Variants in FAM171A2 observed in about 807,000 individuals in gnomAD.
The protein encoded by FAM171A2 is family with sequence similarity 171 member A2.
In FAM171A2, 13 loss-of-function variants were observed where a neutral mutation model predicts 34.2. That is an observed-to-expected ratio of 0.38 (90% CI 0.25 to 0.60). The LOEUF (loss-of-function observed/expected upper bound fraction) is 0.60, where lower values mean the gene tolerates loss of function less well. FAM171A2 is among the 20% of genes least tolerant of loss of function. The pLI is 0.62. For synonymous variants in FAM171A2, 475 were observed against 561.2 expected (o/e 0.85, Z 2.17); for missense variants, 950 against 1,180.7 (o/e 0.80, Z 2.86).
At chr17:44,356,135 T>C in intron 5 of FAM171A2, 38 bp downstream of exon 5, 1 of 1,525,094 alleles carries the variant, frequency 6.6e-7, no homozygotes, top group South Asian at 1.2e-5. Context: ...CACTTTCTTC[T>C]CTCAACTCAA....
rs746146049 is a variant in FAM171A2, at chr17:44,356,583, G to A, written c.445C>T (p.Arg149Cys). ...VHILLGSPGA[R>C]SQPLVQFQRR... ...TGGAACTGCACCAAGGGCTGGGAGC[G>A]GGCACCTGGAGGGAAAGAGGGGCTG... The change falls in exon 4 of 8, where the codon CGC (arginine) becomes TGC (cysteine). Residue 149 changes from arginine (R) to cysteine (C), a missense_variant. By Grantham distance (180) the Arg-to-Cys change is radical. Coordinates refer to ENST00000293443, the MANE Select transcript of FAM171A2 (RefSeq NM_198475.3). 16 of 1,541,718 alleles carry A rather than the reference G, an allele frequency of 1.0e-5. No individual in the cohort carries two copies. The highest frequency in any genetic ancestry group is 6.9e-5 in the African/African-American group (5 of 72,898).
rs2048416243 is a variant in FAM171A2, at chr17:44,355,100, A to G, written c.1114T>C (p.Ser372Pro). The G allele has an allele frequency of 6.4e-7, 1 of 1,550,730 alleles. No individual in the cohort carries two copies. ...CCCCCACAGATGAGGTGGAGCTGGG[A>G]CATCGAGGTGGCCTGGTCTCGTTTG... ...GNKRDQATSM[S>P]QLHLICGGPL... is the part of the protein sequence containing the mutation. Residue 372 changes from serine (S) to proline (P), a missense_variant, in exon 8 of 8, where the codon TCC (serine) becomes CCC (proline). Ser to Pro is a moderately conservative substitution (Grantham distance 74). Transcript: ENST00000293443. This position sits in a 1 kb window ranked among gnomAD's most constrained non-coding sequence, Gnocchi z 4.1.
At chr17:44,358,755 C>A (rs1222286737) in intron 3 of FAM171A2, among the ~76,000 whole-genome samples, 1 of 152,124 alleles carries the variant, frequency 6.6e-6, no homozygotes, top group Non-Finnish European at 1.5e-5. Context: ...AGACTACAAA[C>A]TGGGATGGGG....
chr17:44,357,864 A>G (rs2048431917), intron 3 of FAM171A2, among the ~76,000 whole-genome samples: 1 of 152,148 alleles, frequency 6.6e-6, no homozygotes, highest in Non-Finnish European at 1.5e-5. Flanking sequence ...CAGGTTACCT[A>G]TATTAACCCC....
chr17:44,354,515 C>A lies in FAM171A2; in HGVS notation c.1699G>T (p.Gly567Cys). Residue 567 changes from glycine to cysteine, a missense_variant, in exon 8 of 8, where the codon GGC becomes TGC. By Grantham distance (159) the Gly-to-Cys change is radical. Coordinates refer to ENST00000293443, the MANE Select transcript of FAM171A2 (RefSeq NM_198475.3). This position sits in a 1 kb window ranked among gnomAD's most constrained non-coding sequence, Gnocchi z 5.8. ...GVGDEPAPPEGTAPGPARAFP... is the reference protein window; with the variant it reads ...GVGDEPAPPECTAPGPARAFP... ...GCGCGCGCCGGGCCGGGTGCCGTGC[C>A]CTCCGGCGGGGCCGGCTCGTCGCCC... 1 of 1,133,958 alleles carries A rather than the reference C, an allele frequency of 8.8e-7. No individual in the cohort carries two copies. The highest frequency in any genetic ancestry group is 4.3e-5 in the South Asian group (1 of 23,450). The allele number at this position is 1,133,958 out of a possible 1,614,324, so 70.2% of individuals were successfully genotyped here.
chr17:44,358,374 G>C (rs2048434135), intron 3 of FAM171A2, among the ~76,000 whole-genome samples: 1 of 152,176 alleles, frequency 6.6e-6, no homozygotes, highest in Admixed American at 6.5e-5. Flanking sequence ...CTTGGGATCA[G>C]AGTGACGAAG....
intron 1 of FAM171A2, among the ~76,000 whole-genome samples, chr17:44,361,557 G>A (rs548557294): frequency 6.6e-5 from 10 of 152,196 alleles, no homozygotes; most frequent in Middle Eastern, 3.4e-3. Context: ...CGCAGCCAGC[G>A]CCACGCCTGC....
At chr17:44,360,166 G>T (rs919508816) in intron 1 of FAM171A2, 34 bp from the exon 2 acceptor site, 1 of 1,514,574 alleles carries the variant, frequency 6.6e-7, no homozygotes, top group East Asian at 2.5e-5. Context: ...GAGTGAGGAC[G>T]AGGGAGGGGG....
intron 3 of FAM171A2, among the ~76,000 whole-genome samples, chr17:44,356,908 G>A (rs768284869): frequency 2.0e-5 from 3 of 152,186 alleles, no homozygotes; most frequent in Non-Finnish European, 2.9e-5. Flanking sequence ...AGACACTGGG[G>A]GCCCAAAGAT....
At position 44,353,889 on chromosome 17, in the gene FAM171A2, C is replaced by T. The variant is rs1284753922; in HGVS notation, c.2325G>A (p.Gly775=). 3.3e-5 allele frequency: 43 copies of T among 1,313,380 alleles called. No homozygotes were observed. The South Asian group carries it at 7.9e-4, about 24-fold the overall frequency. 81.4% of individuals were successfully genotyped at this position (1,313,380 alleles called of 1,614,324 possible). ...TVPRGRGRSR[G]DSSRSSASEL... ...CGCTGGCGCTGCTGCGGGAGCTGTCCCCGCGGCTGCGGCCCCGCCCCCGGG... is the reference window on the plus strand; with the variant it reads ...CGCTGGCGCTGCTGCGGGAGCTGTCTCCGCGGCTGCGGCCCCGCCCCCGGG... The change falls in exon 8 of 8, where the codon GGG becomes GGA. Residue 775 remains glycine (G), a synonymous_variant. Coordinates refer to ENST00000293443, the MANE Select transcript of FAM171A2 (RefSeq NM_198475.3).
Position 44,353,841 on chromosome 17 carries a change from G to A in FAM171A2, c.2373C>T (p.Thr791=). Residue 791 remains threonine (T), a synonymous_variant, in exon 8 of 8, where the codon ACC becomes ACT. Transcript: ENST00000293443. Reference sequence around the variant, plus strand: ...CCGCCCCCAGCTCGTCCTCCGGGCTGGTGAGCGAGTCGCGCCGCAGCTCGC... The same window carrying A: ...CCGCCCCCAGCTCGTCCTCCGGGCTAGTGAGCGAGTCGCGCCGCAGCTCGC... The part of the protein sequence containing the change: ...SASELRRDSL[T]SPEDELGAEV... 2 of 1,402,768 alleles carry A rather than the reference G, an allele frequency of 1.4e-6. No homozygotes were observed. The highest frequency in any genetic ancestry group is 9.3e-7 in the Non-Finnish European group (1 of 1,077,710). 86.9% of individuals were successfully genotyped at this position (1,402,768 alleles called of 1,614,324 possible). A position where few individuals can be genotyped will look rare whatever the true frequency, so the allele number is the denominator to read the frequency against.
At chr17:44,363,461 G>A (rs1316375657) in intron 1 of FAM171A2, 136 bp downstream of exon 1, 2 of 399,228 alleles carry the variant, frequency 5.0e-6, no homozygotes, top group East Asian at 3.9e-5. Flanking sequence ...ACCCCAGATC[G>A]CTTAGCTCCC....
intron 3 of FAM171A2, among the ~76,000 whole-genome samples, chr17:44,357,730 C>CGTGTGTGTGTGTGTGTGTGTGT (rs141824631): frequency 0.039 from 5,613 of 142,996 alleles, 182 homozygotes; most frequent in Middle Eastern, 0.072. Flanking sequence ...CAGTTTAGGT[C>CGTGTGTGTGTGTGTGTGTGTGT]GTGTGTGTGT....
In FAM171A2 at chr17:44,353,785, C is replaced by T; in HGVS notation, c.2429G>A (p.Ser810Asn). Reference sequence around the variant, plus strand: ...CCGCTCCTCCCGCCGCTGCCACGGGCTCTTCTTGTCTCCCGCCTCGTCGCC... The same window carrying T: ...CCGCTCCTCCCGCCGCTGCCACGGGTTCTTCTTGTCTCCCGCCTCGTCGCC... ...EVGDEAGDKK[S>N]PWQRREERPL... The change falls in exon 8 of 8, where the codon AGC becomes AAC. Residue 810 changes from serine to asparagine, a missense_variant. Physicochemically the swap from Ser to Asn is conservative, Grantham distance 46. This residue lies in a region of FAM171A2 where 191 missense variants were observed against 222.8 expected (regional missense o/e 0.86). Coordinates refer to ENST00000293443, the MANE Select transcript of FAM171A2 (RefSeq NM_198475.3). 1.4e-6 allele frequency: 2 copies of T among 1,437,036 alleles called. No homozygotes were observed. The highest frequency in any genetic ancestry group is 3.0e-5 in the African/African-American group (2 of 67,200). The allele number at this position is 1,437,036 out of a possible 1,614,324, so 89.0% of individuals were successfully genotyped here.
Position 44,356,218 on chromosome 17 carries a change from TGAGGGCACGAGTCTCG to T in FAM171A2, c.717_732del (p.Glu240ProfsTer25). The T allele has an allele frequency of 6.4e-7, 1 of 1,550,388 alleles. No individual in the cohort carries two copies. The highest frequency in any genetic ancestry group is 8.7e-7 in the Non-Finnish European group (1 of 1,146,320). On this transcript the variant is annotated frameshift_variant, in exon 5 of 8. Transcript: ENST00000293443. LOFTEE classifies it high-confidence loss of function. Reference sequence around the variant, plus strand: ...CAGGCTGGAATGCTGGTGCCCACGGTGAGGGCACGAGTCTCGGAGGGCACGGGCAGGGACAGGTGAA... The same window carrying T: ...CAGGCTGGAATGCTGGTGCCCACGGTGAGGGCACGGGCAGGGACAGGTGAA...
In FAM171A2 at chr17:44,353,997, C is replaced by G; in HGVS notation, c.2217G>C (p.Thr739=). Residue 739 remains threonine (T), a synonymous_variant, in exon 8 of 8, where the codon ACG becomes ACC. Coordinates refer to ENST00000293443, the MANE Select transcript of FAM171A2 (RefSeq NM_198475.3). ...AGTTGTCCTCCGGAGAGCAGAGGCC[C>G]GTGCGGCTCTCGCTGCTGCTGGGCT... ...DTEPSSSESR[T]GLCSPEDNSL... is the part of the protein sequence containing the mutation. The G allele has an allele frequency of 1.6e-6, 2 of 1,224,246 alleles. 1 individual carries two copies. Among genetic ancestry groups the G allele is most frequent in the South Asian group, 6.3e-5 (2 of 31,634 alleles). 75.8% of individuals were successfully genotyped at this position (1,224,246 alleles called of 1,614,324 possible). A position where few individuals can be genotyped will look rare whatever the true frequency, so the allele number is the denominator to read the frequency against.
intron 3 of FAM171A2, among the ~76,000 whole-genome samples, chr17:44,356,827 T>C (rs909888689): frequency 2.6e-5 from 4 of 152,164 alleles, no homozygotes; most frequent in African/African-American, 9.7e-5. Context: ...AAAGTTTCCT[T>C]ATAGAACCTA....
Position 44,356,050 on chromosome 17 carries a change from C to T in FAM171A2, c.803G>A (p.Gly268Asp), listed in dbSNP as rs1309849975. ...KSGLWVRNGT[G>D]VIRKEGRQLY... ...CTGCCGGCCTTCCTTCCGGATTACA[C>T]CAGTGCCATTGCGCACCCACAGCCC... Residue 268 changes from glycine (G) to aspartate (D), a missense_variant, in exon 6 of 8, where the codon GGT becomes GAT. Physicochemically the swap from Gly to Asp is moderately conservative, Grantham distance 94. Coordinates refer to ENST00000293443, the MANE Select transcript of FAM171A2 (RefSeq NM_198475.3). 1.3e-6 allele frequency: 2 copies of T among 1,546,652 alleles called. No homozygotes were observed. Among genetic ancestry groups the T allele is most frequent in the East Asian group, 2.4e-5 (1 of 40,852 alleles).
Position 44,355,617 on chromosome 17 carries a change from T to C in FAM171A2, c.1022+98A>G. 6.8e-7 allele frequency: 1 copy of C among 1,479,164 alleles called. No homozygotes were observed. The highest frequency in any genetic ancestry group is 1.3e-5 in the South Asian group (1 of 78,030). 91.6% of individuals were successfully genotyped at this position (1,479,164 alleles called of 1,614,324 possible). A position where few individuals can be genotyped will look rare whatever the true frequency, so the allele number is the denominator to read the frequency against. Reference sequence around the variant, plus strand: ...AGCATGTTTGCAGGAAGTCTTTTCCTGTCTGCCCCTTGAGGACCAGAAGTG... The same window carrying C: ...AGCATGTTTGCAGGAAGTCTTTTCCCGTCTGCCCCTTGAGGACCAGAAGTG... On this transcript the variant is annotated intron_variant, in intron 7 of 7. Coordinates refer to ENST00000293443, the MANE Select transcript of FAM171A2 (RefSeq NM_198475.3). This position sits in a 1 kb window ranked among gnomAD's most constrained non-coding sequence, Gnocchi z 4.1.
Sources: allele counts gnomAD v4.1 joint callset (sites outside exome capture counted in the v4.1 genomes callset), GRCh38; gene constraint gnomAD v4.1.1; regional missense constraint gnomAD v4.1.1; non-coding constraint Gnocchi (gnomAD v3.1); transcripts MANE v1.5; gene names NCBI Gene and HGNC (gene_info 2026-07-23, HGNC 2026-07-21).